Variants in CCDC122 observed in about 807,000 individuals in gnomAD.
CCDC122 encodes the protein coiled-coil domain containing 122, also known as coiled-coil domain-containing protein 122.
In CCDC122, 38 loss-of-function variants were observed where a neutral mutation model predicts 37.0. The observed-to-expected ratio is 1.03, with a 90% CI of 0.79 to 1.35. The LOEUF is 1.35. Among genes scored for constraint, CCDC122 ranks in the 40% most tolerant of loss-of-function variants. The pLI is 0.00. For missense variants in CCDC122, 305 were observed against 310.0 expected (o/e 0.98, Z 0.12); for synonymous variants, 83 against 95.6 (o/e 0.87, Z 0.77).
chr13:43,852,738 G>T (rs544480092), intron 6 of CCDC122, among the ~76,000 whole-genome samples: 50 of 151,822 alleles, frequency 3.3e-4, no homozygotes, highest in Admixed American at 1.5e-3. Flanking sequence ...CAGCTAGAGA[G>T]AAAGGTCAGA....
intron 1 of CCDC122, 33 bp from the exon 2 acceptor site, chr13:43,874,960 G>C (rs1184146321): frequency 1.3e-5 from 2 of 152,172 alleles, no homozygotes; most frequent in East Asian, 3.9e-4. Flanking sequence ...GGTTTGTACT[G>C]TTCCTTACCT....
chr13:43,854,904 G>C (rs1490487615), intron 6 of CCDC122: 1 of 152,080 alleles, frequency 6.6e-6, no homozygotes, highest in East Asian at 1.9e-4. Flanking sequence ...ATGCAGAAAA[G>C]ACTGTCGATA....
At chr13:43,859,490 G>C (rs868214333) in intron 5 of CCDC122, among the ~76,000 whole-genome samples, 182 bp downstream of exon 5, 2 of 151,934 alleles carry the variant, frequency 1.3e-5, no homozygotes, top group African/African-American at 2.4e-5. Context: ...TGAGCATCTA[G>C]GGTCGTTGTT....
intron 2 of CCDC122, among the ~76,000 whole-genome samples, chr13:43,871,300 A>G (rs1291186855): frequency 6.6e-6 from 1 of 152,034 alleles, no homozygotes; most frequent in African/African-American, 2.4e-5. Context: ...ACAGACCTCC[A>G]ATGGCCTAAT....
chr13:43,851,950 AAG>A (rs1284882297), intron 6 of CCDC122, among the ~76,000 whole-genome samples: 5 of 142,420 alleles, frequency 3.5e-5, no homozygotes, highest in Non-Finnish European at 1.6e-5. Context: ...AATAGGATAA[AAG>A]AAAAAAAAAA....
chr13:43,876,507 A>G (rs1954615777), intron 1 of CCDC122, among the ~76,000 whole-genome samples: 1 of 152,194 alleles, frequency 6.6e-6, no homozygotes, highest in African/African-American at 2.4e-5. Context: ...GTCTAAGCCT[A>G]TCTACACATA....
At chr13:43,876,695 G>C (rs991508359) in intron 1 of CCDC122, among the ~76,000 whole-genome samples, 1 of 152,188 alleles carries the variant, frequency 6.6e-6, no homozygotes, top group Admixed American at 6.5e-5. Context: ...AGTTGTGCTT[G>C]ATATTGTGCT....
chr13:43,858,906 TGAC>T lies in CCDC122; in HGVS notation c.556-12_556-10del. 7.3e-7 allele frequency: 1 copy of T among 1,377,662 alleles called. No homozygotes were observed. Among genetic ancestry groups the T allele is most frequent in the Non-Finnish European group, 9.7e-7 (1 of 1,027,994 alleles). The allele number at this position is 1,377,662 out of a possible 1,614,324, so 85.3% of individuals were successfully genotyped here. A position where few individuals can be genotyped will look rare whatever the true frequency, so the allele number is the denominator to read the frequency against. On this transcript the variant is annotated splice_polypyrimidine_tract_variant and intron_variant, in intron 5 of 6. Coordinates refer to ENST00000444614, the MANE Select transcript of CCDC122 (RefSeq NM_144974.5). ...AAGTTTGTAATGTCTTCCTGTATGT[TGAC>T]AACATTTGAAATATAGAAGTCAAAA...
chr13:43,830,627 G>A (rs1049070995), intron 3 of CCDC122, among the ~76,000 whole-genome samples: 11 of 152,214 alleles, frequency 7.2e-5, no homozygotes, highest in Admixed American at 2.0e-4. Context: ...TTAAAAATCT[G>A]AGAGGATTTA....
chr13:43,860,062 A>T lies in CCDC122; in HGVS notation c.165T>A (p.Leu55=). ...CTGCTATTTCTTTTTCAAGCTCATGAAGTTCATTCTGTAATACATTTTAAC... is the reference window on the plus strand; with the variant it reads ...CTGCTATTTCTTTTTCAAGCTCATGTAGTTCATTCTGTAATACATTTTAAC... ...KKVLFNLKNE[L]HELEKEIAAI... The change falls in exon 5 of 7, where the codon CTT becomes CTA. Residue 55 remains leucine, a synonymous_variant. Transcript: ENST00000444614. 6.7e-7 allele frequency: 1 copy of T among 1,502,934 alleles called. No homozygotes were observed. The highest frequency in any genetic ancestry group is 8.9e-7 in the Non-Finnish European group (1 of 1,120,790). The allele number at this position is 1,502,934 out of a possible 1,614,324, so 93.1% of individuals were successfully genotyped here.
downstream of CCDC122, among the ~76,000 whole-genome samples, chr13:43,834,588 A>G (rs1953122129): frequency 6.6e-6 from 1 of 152,250 alleles, no homozygotes; most frequent in Non-Finnish European, 1.5e-5. Context: ...TCCAGAATCT[A>G]CAATGAACCC....
chr13:43,867,858 T>C (rs1954323103), intron 4 of CCDC122, among the ~76,000 whole-genome samples: 1 of 152,140 alleles, frequency 6.6e-6, no homozygotes, highest in Admixed American at 6.5e-5. Context: ...ACCATGATAA[T>C]ACAATTATTG....
At chr13:43,825,701 C>T (rs976696514) in intron 3 of CCDC122, among the ~76,000 whole-genome samples, 7 of 137,524 alleles carry the variant, frequency 5.1e-5, no homozygotes, top group Admixed American at 8.4e-5. Flanking sequence ...ACTCGGGAGG[C>T]GGAGGTTGCA....
intron 1 of CCDC122, among the ~76,000 whole-genome samples, chr13:43,876,610 C>T (rs1200659718): frequency 6.6e-6 from 1 of 152,194 alleles, no homozygotes; most frequent in East Asian, 1.9e-4. Flanking sequence ...AGTAAATCTG[C>T]CTATTTCTGC....
At chr13:43,866,550 G>A (rs1381431823) in intron 4 of CCDC122, among the ~76,000 whole-genome samples, 1 of 152,110 alleles carries the variant, frequency 6.6e-6, no homozygotes, top group Non-Finnish European at 1.5e-5. Flanking sequence ...GCAATACTGA[G>A]TCTTCTGTTT....
intron 6 of CCDC122, among the ~76,000 whole-genome samples, chr13:43,851,447 G>A (rs1182598488): frequency 6.6e-6 from 1 of 152,132 alleles, no homozygotes; most frequent in Non-Finnish European, 1.5e-5. Context: ...GTGCCTGCCA[G>A]CACCCTGCTC....
chr13:43,868,988 C>A (rs562449899), intron 3 of CCDC122, among the ~76,000 whole-genome samples, 185 bp from the exon 4 acceptor site: 2 of 152,094 alleles, frequency 1.3e-5, no homozygotes, highest in South Asian at 4.1e-4. Context: ...CAATAATAGG[C>A]AATTCAAAGT....
intron 6 of CCDC122, among the ~76,000 whole-genome samples, chr13:43,843,584 G>A (rs1255285751): frequency 2.0e-5 from 3 of 151,900 alleles, no homozygotes; most frequent in Non-Finnish European, 4.4e-5. Flanking sequence ...CCTAAAATGA[G>A]TTGGGAGGAG....
chr13:43,871,121 T>A (rs1001772969), intron 2 of CCDC122, among the ~76,000 whole-genome samples: 2 of 152,162 alleles, frequency 1.3e-5, no homozygotes, highest in South Asian at 4.1e-4. Flanking sequence ...TAAGTGGACC[T>A]GCACAGTTCA....
Sources: allele counts gnomAD v4.1 joint callset (sites outside exome capture counted in the v4.1 genomes callset), GRCh38; gene constraint gnomAD v4.1.1; transcripts MANE v1.5; gene names NCBI Gene and HGNC (gene_info 2026-07-23, HGNC 2026-07-21).